The following LHFPL3 variants were observed in gnomAD, a reference collection of about 807,000 sequenced individuals.
LHFPL3 encodes the protein LHFPL tetraspan subfamily member 3 protein.
A neutral mutation model predicts 19.3 loss-of-function variants in LHFPL3; 5 were observed. That is an observed-to-expected ratio of 0.26 (90% confidence interval 0.14 to 0.54). The LOEUF (loss-of-function observed/expected upper bound fraction) is 0.54. Among genes scored for constraint, LHFPL3 ranks in the 20% least tolerant of loss-of-function variants. The probability of loss-of-function intolerance (pLI) is 0.94; values close to 1 mark genes in which losing one functional copy is unlikely to be tolerated. For synonymous variants in LHFPL3, 133 were observed against 126.2 expected, an observed-to-expected ratio of 1.05 and a Z score of -0.36; for missense variants, 249 against 307.4, an observed-to-expected ratio of 0.81 and a Z score of 1.42.
chr7:104,357,432 T>C (rs528510165), intron 1 of LHFPL3, among the ~76,000 whole-genome samples: 1 of 152,292 alleles, frequency 6.6e-6, no homozygotes, highest in Non-Finnish European at 1.5e-5. Flanking sequence ...TCTGGGTAAA[T>C]GATTGTCTAA....
intron 2 of LHFPL3, among the ~76,000 whole-genome samples, chr7:104,879,457 T>C (rs1489422627): frequency 6.6e-6 from 1 of 152,086 alleles, no homozygotes; most frequent in African/African-American, 2.4e-5. Context: ...CAATATCTCA[T>C]GACTGTAATC....
chr7:104,603,066 T>TTCTC (rs1453775700), intron 1 of LHFPL3, among the ~76,000 whole-genome samples: 4,016 of 108,980 alleles, frequency 0.037, 122 homozygotes, highest in African/African-American at 0.041. Context: ...CTTTCTTTCT[T>TTCTC]TTTCTTTCTT....
intron 1 of LHFPL3, among the ~76,000 whole-genome samples, chr7:104,354,538 C>G (rs746080352): frequency 4.6e-5 from 7 of 152,306 alleles, no homozygotes; most frequent in Non-Finnish European, 7.3e-5. Flanking sequence ...CTGGCACTTC[C>G]AGTTTTCTCA....
chr7:104,342,996 CTT>C (rs10668194), intron 1 of LHFPL3, among the ~76,000 whole-genome samples: 7 of 140,962 alleles, frequency 5.0e-5, no homozygotes, highest in East Asian at 4.1e-4. Context: ...AAAGAATTGA[CTT>C]TTTTTTTTTT....
At chr7:104,865,288 G>A (rs1241395812) in intron 2 of LHFPL3, among the ~76,000 whole-genome samples, 1 of 152,028 alleles carries the variant, frequency 6.6e-6, no homozygotes, top group African/African-American at 2.4e-5. Flanking sequence ...AGCTAAAGGA[G>A]GAAGTTTGAA....
At chr7:104,810,257 G>A (rs1048575850) in intron 2 of LHFPL3, among the ~76,000 whole-genome samples, 1 of 152,156 alleles carries the variant, frequency 6.6e-6, no homozygotes, top group African/African-American at 2.4e-5. Flanking sequence ...CTTCATCCAA[G>A]GGCAATGAGA....
chr7:104,623,201 A>G (rs1275141471), intron 1 of LHFPL3, among the ~76,000 whole-genome samples: 1 of 151,522 alleles, frequency 6.6e-6, no homozygotes, highest in Non-Finnish European at 1.5e-5. Flanking sequence ...TTCTCCACTC[A>G]TGTGTTTTTG....
chr7:104,489,078 C>CTTTTTTTTTTTTT (rs10706776), intron 1 of LHFPL3, among the ~76,000 whole-genome samples: 1 of 41,656 alleles, frequency 2.4e-5, no homozygotes, highest in Non-Finnish European at 6.7e-5. Context: ...GTGCTGAAAT[C>CTTTTTTTTTTTTT]TTTTTTTTTT....
At chr7:104,703,864 G>A (rs532618062) in intron 1 of LHFPL3, among the ~76,000 whole-genome samples, 14 of 151,210 alleles carry the variant, frequency 9.3e-5, no homozygotes, top group Middle Eastern at 3.4e-3. Context: ...CTGTTAATTC[G>A]GAAGTGCTGA....
intron 1 of LHFPL3, chr7:104,668,932 C>T (rs1478923766): frequency 1.5e-5 from 24 of 1,612,282 alleles, no homozygotes; most frequent in Non-Finnish European, 1.9e-5. Context: ...AAAACTAGAA[C>T]GACGGCCTCG....
chr7:104,901,180 C>A (rs1792475828), intron 2 of LHFPL3, among the ~76,000 whole-genome samples: 1 of 152,226 alleles, frequency 6.6e-6, no homozygotes, highest in African/African-American at 2.4e-5. Context: ...CTTTACAAAT[C>A]TGTTTGAAGA....
chr7:104,594,807 CCT>C (rs1373976453), intron 1 of LHFPL3, among the ~76,000 whole-genome samples: 1 of 151,988 alleles, frequency 6.6e-6, no homozygotes, highest in African/African-American at 2.4e-5. Flanking sequence ...TCACTGATAC[CCT>C]TTCTTCCACT....
At chr7:104,638,324 CT>C (rs1170206765) in intron 1 of LHFPL3, among the ~76,000 whole-genome samples, 3 of 151,880 alleles carry the variant, frequency 2.0e-5, no homozygotes, top group African/African-American at 2.4e-5. Context: ...GGAATCATGC[CT>C]TGTGCAAACA....
At chr7:104,339,243 C>T (rs577896418) in intron 1 of LHFPL3, among the ~76,000 whole-genome samples, 4 of 145,102 alleles carry the variant, frequency 2.8e-5, no homozygotes, top group South Asian at 2.2e-4. Context: ...AGCGAAACTC[C>T]GTCTCAAAAA....
chr7:104,889,833 A>G (rs1304535299), intron 2 of LHFPL3, among the ~76,000 whole-genome samples: 3 of 152,236 alleles, frequency 2.0e-5, no homozygotes, highest in Admixed American at 6.5e-5. Flanking sequence ...ATCAATGTAC[A>G]TATTACCTTG....
intron 2 of LHFPL3, among the ~76,000 whole-genome samples, chr7:104,807,979 A>G (rs76050226): frequency 0.01 from 1,550 of 152,342 alleles, 24 homozygotes; most frequent in African/African-American, 0.035. Flanking sequence ...GCAGTGAGGC[A>G]GTCTGAAACA....
intron 1 of LHFPL3, among the ~76,000 whole-genome samples, chr7:104,418,250 A>G (rs1791663386): frequency 6.6e-6 from 1 of 152,176 alleles, no homozygotes; most frequent in African/African-American, 2.4e-5. Flanking sequence ...TTCTACAAAT[A>G]TTTCCTGAGG....
chr7:104,756,865 G>A (rs1478064945), intron 2 of LHFPL3, among the ~76,000 whole-genome samples: 1 of 152,180 alleles, frequency 6.6e-6, no homozygotes, highest in Non-Finnish European at 1.5e-5. Flanking sequence ...TGAATATTAA[G>A]CAGAGATTCT....
chr7:104,498,496 GTTTTTTT>G (rs35269120), intron 1 of LHFPL3, among the ~76,000 whole-genome samples: 1 of 134,824 alleles, frequency 7.4e-6, no homozygotes. Flanking sequence ...TGGAAGCAAT[GTTTTTTT>G]TTTTTTTTTT....
Sources: allele counts gnomAD v4.1 joint callset (sites outside exome capture counted in the v4.1 genomes callset), GRCh38; gene constraint gnomAD v4.1.1; transcripts MANE v1.5; gene names NCBI Gene and HGNC (gene_info 2026-07-23, HGNC 2026-07-21).